Variants in CPVL observed in about 807,000 individuals in gnomAD.
CPVL encodes probable serine carboxypeptidase CPVL.
CPVL carries 51 observed loss-of-function variants against 63.7 expected under a neutral mutation model. That is an observed-to-expected ratio of 0.80 (90% confidence interval 0.64 to 1.01). The LOEUF is 1.01. CPVL is among the 50% of genes least tolerant of loss of function. CPVL has a pLI of 0.00. For synonymous variants in CPVL, 195 were observed against 206.0 expected (o/e 0.95, Z 0.46); for missense variants, 530 against 573.1 (o/e 0.92, Z 0.77).
In CPVL at chr7:29,095,966, C is replaced by A. The variant is rs1161999545; in HGVS notation, c.403+137G>T. On this transcript the variant is annotated intron_variant, in intron 4 of 12. Coordinates refer to ENST00000265394, the MANE Select transcript of CPVL (RefSeq NM_031311.5). ...GCTCCTCCTTCTCGGATGGATATTGCCAGAAAGTTGTGTTTTGATAATCTG... is the reference window on the plus strand; with the variant it reads ...GCTCCTCCTTCTCGGATGGATATTGACAGAAAGTTGTGTTTTGATAATCTG... The A allele has an allele frequency of 2.5e-5, 19 of 754,636 alleles. 1 individual carries two copies. Among genetic ancestry groups the A allele is most frequent in the Middle Eastern group, 5.1e-4 (2 of 3,898 alleles). 46.7% of individuals were successfully genotyped at this position (754,636 alleles called of 1,614,324 possible).
chr7:29,078,217 A>G (rs1477691546), intron 7 of CPVL, among the ~76,000 whole-genome samples: 1 of 152,254 alleles, frequency 6.6e-6, no homozygotes, highest in Non-Finnish European at 1.5e-5. Context: ...CATATAGCAA[A>G]AACATTTTGA....
upstream of CPVL, among the ~76,000 whole-genome samples, chr7:29,148,191 T>G: frequency 6.6e-6 from 1 of 152,234 alleles, no homozygotes. Context: ...ATTTGGAATT[T>G]GCCTTCTAAA....
intron 3 of CPVL, among the ~76,000 whole-genome samples, chr7:29,100,615 C>T (rs1787017326): frequency 6.6e-6 from 1 of 152,200 alleles, no homozygotes; most frequent in Admixed American, 6.5e-5. Context: ...GCCCACACTA[C>T]AAAGTCAAGT....
At chr7:29,065,969 G>A (rs1783095641) in intron 10 of CPVL, 54 bp downstream of exon 10, 5 of 1,042,936 alleles carry the variant, frequency 4.8e-6, no homozygotes, top group South Asian at 2.9e-5. Flanking sequence ...AAGGAAGTTC[G>A]GTTTTGCCAA....
chr7:29,066,853 G>A (rs1783184758), intron 9 of CPVL, among the ~76,000 whole-genome samples: 2 of 152,246 alleles, frequency 1.3e-5, no homozygotes, highest in South Asian at 4.1e-4. Context: ...GTGGAGACAA[G>A]CACAGCCTGA....
At chr7:29,029,708 A>G (rs1034073580) in intron 12 of CPVL, among the ~76,000 whole-genome samples, 1 of 152,204 alleles carries the variant, frequency 6.6e-6, no homozygotes, top group African/African-American at 2.4e-5. Flanking sequence ...ACAGTTAGAT[A>G]GAAGGAATAA....
intron 5 of CPVL, among the ~76,000 whole-genome samples, chr7:29,178,067 C>CA (rs1381419632): frequency 1.3e-5 from 2 of 152,178 alleles, no homozygotes; most frequent in African/African-American, 4.8e-5. Context: ...ATTCCATCAT[C>CA]AGCAAGTGTT....
intron 2 of CPVL, among the ~76,000 whole-genome samples, chr7:29,117,794 T>C (rs1351415869): frequency 6.6e-6 from 1 of 152,218 alleles, no homozygotes; most frequent in Admixed American, 6.5e-5. Flanking sequence ...GCACAATGCC[T>C]GGCACATGGT....
At chr7:29,023,176 C>T (rs62442561) in intron 12 of CPVL, among the ~76,000 whole-genome samples, 44,604 of 152,094 alleles carry the variant, frequency 0.29, 8,517 homozygotes, top group African/African-American at 0.54. Flanking sequence ...ACCTGGAAGC[C>T]TGTATTAGTC....
intron 5 of CPVL, among the ~76,000 whole-genome samples, chr7:29,178,349 T>C (rs1354163588): frequency 6.6e-6 from 1 of 152,214 alleles, no homozygotes; most frequent in Non-Finnish European, 1.5e-5. Context: ...TGCTAGGATC[T>C]GACATCTACT....
Position 28,997,756 on chromosome 7 carries a change from C to T in CPVL, c.1321-1874G>A, listed in dbSNP as rs375206719. Among the ~76,000 whole-genome samples, 17 of 139,896 alleles carry T rather than the reference C, an allele frequency of 1.2e-4. No homozygotes were observed. The South Asian group carries it at 3.7e-3, about 30-fold the overall frequency. The allele number at this position is 139,896 out of a possible 152,430, so 91.8% of individuals were successfully genotyped here. ...TGAACTGAAATTTGCAGCTTAGTCA[C>T]GGAACATTTTTATTCACCTCTCAAT... On this transcript the variant is annotated intron_variant, in intron 12 of 12. Coordinates refer to ENST00000265394, the MANE Select transcript of CPVL (RefSeq NM_031311.5).
At chr7:29,116,978 G>A (rs1442910357) in intron 2 of CPVL, among the ~76,000 whole-genome samples, 1 of 152,168 alleles carries the variant, frequency 6.6e-6, no homozygotes, top group Non-Finnish European at 1.5e-5. Context: ...ATTTAGGGGA[G>A]TGAGCTGACC....
intron 7 of CPVL, among the ~76,000 whole-genome samples, chr7:29,079,369 C>G (rs1182106487): frequency 1.3e-5 from 2 of 152,172 alleles, no homozygotes; most frequent in Non-Finnish European, 2.9e-5. Flanking sequence ...CATCTTCAGG[C>G]CCTGGAGTCT....
rs1044486349 is a variant in CPVL at position 29,034,711 on chromosome 7, C to T, written c.1138-3952G>A. Among the ~76,000 whole-genome samples the T allele has an allele frequency of 2.1e-3, 324 of 151,550 alleles. 1 individual carries two copies. Among genetic ancestry groups the T allele is most frequent in the Non-Finnish European group, 8.7e-4 (59 of 67,852 alleles). On this transcript the variant is annotated intron_variant, in intron 11 of 12. Coordinates refer to ENST00000265394, the MANE Select transcript of CPVL (RefSeq NM_031311.5). ...CCAGGTTATGAGACTGGCTATTTTT[C>T]GTATTTTTGGTAGAGACAGGGTATC...
At chr7:28,998,634 C>T (rs1025789723) in intron 12 of CPVL, among the ~76,000 whole-genome samples, 2 of 152,004 alleles carry the variant, frequency 1.3e-5, no homozygotes, top group African/African-American at 2.4e-5. Flanking sequence ...TGGTCATTTT[C>T]GTTATTCTTC....
At chr7:29,192,998 T>A (rs1244710921) in intron 1 of CPVL, 1 of 152,222 alleles carries the variant, frequency 6.6e-6, no homozygotes, top group East Asian at 1.9e-4. Flanking sequence ...GGGTCACGTG[T>A]CCCTGAAGGC....
At chr7:28,999,465 A>C (rs1784395944) in intron 12 of CPVL, among the ~76,000 whole-genome samples, 1 of 152,166 alleles carries the variant, frequency 6.6e-6, no homozygotes, top group Non-Finnish European at 1.5e-5. Context: ...TGTTTACATC[A>C]AGGTAATTTG....
chr7:29,001,905 G>GT (rs1329898968), intron 12 of CPVL, among the ~76,000 whole-genome samples: 4 of 152,244 alleles, frequency 2.6e-5, no homozygotes, highest in Middle Eastern at 3.4e-3. Flanking sequence ...ACAATAGCAT[G>GT]TACCAAACCA....
At chr7:29,118,595 A>G (rs1385236139) in intron 2 of CPVL, among the ~76,000 whole-genome samples, 1 of 151,684 alleles carries the variant, frequency 6.6e-6, no homozygotes. Context: ...TGTGTATTTC[A>G]GAAAAAGACA....
Sources: gnomAD v4.1 joint callset for allele counts (sites outside exome capture counted in the v4.1 genomes callset) on GRCh38, gnomAD v4.1.1 for gene constraint, MANE v1.5 for transcripts, NCBI Gene and HGNC (gene_info 2026-07-23, HGNC 2026-07-21) for gene names.